The following CYBRD1 variants were observed in gnomAD, a reference collection of about 807,000 sequenced individuals.
The protein encoded by CYBRD1 is cytochrome b reductase 1.
CYBRD1 carries 14 observed loss-of-function variants against 21.9 expected under a neutral mutation model. The ratio of observed to expected loss-of-function variants is 0.64; its 90% CI spans 0.42 to 1.00. CYBRD1 has a LOEUF of 1.00. CYBRD1 is among the 50% of genes least tolerant of loss of function. The probability of loss-of-function intolerance (pLI) is 0.00; values close to 1 mark genes in which losing one functional copy is unlikely to be tolerated. For missense variants in CYBRD1, 328 were observed against 352.5 expected (o/e 0.93, Z 0.56); for synonymous variants, 146 against 136.5 (o/e 1.07, Z -0.48).
rs764578336 is a variant in CYBRD1, at chr2:171,553,386, C to T, written c.443C>T (p.Pro148Leu). The T allele has an allele frequency of 1.5e-5, 25 of 1,613,502 alleles. No individual in the cohort carries two copies. The highest frequency in any genetic ancestry group is 5.5e-5 in the South Asian group (5 of 91,062). The change falls in exon 3 of 4, where the codon CCG (proline) becomes CTG (leucine). Residue 148 changes from proline (P) to leucine (L), a missense_variant. By Grantham distance (98) the Pro-to-Leu change is moderately conservative. Transcript: ENST00000321348. ...TCAGTCTTTCTGCTTCCATGGGCTC[C>T]GCTTTCTCTCCGAGCATTTCTCATG... ...GFSVFLLPWA[P>L]LSLRAFLMPI...
At position 171,522,899 on chromosome 2, in the gene CYBRD1, G is replaced by A. The variant is rs1014970369; in HGVS notation, c.193+161G>A. ...GCGGGAAGCCAAGTCGGCTGGGCGG[G>A]AGGGAGGCTGGCTGGCTCTGGGGCG... On this transcript the variant is annotated intron_variant, in intron 1 of 3. Transcript: ENST00000321348. This position sits in a 1 kb window ranked among gnomAD's most constrained non-coding sequence, Gnocchi z 4.3. 2.0e-5 allele frequency among the ~76,000 whole-genome samples: 3 copies of A among 152,104 alleles called. No individual in the cohort carries two copies. The highest frequency in any genetic ancestry group is 4.4e-5 in the Non-Finnish European group (3 of 68,014).
chr2:171,554,482 G>A (rs1428868131), intron 3 of CYBRD1, 42 bp from the exon 4 acceptor site: 2 of 1,604,100 alleles, frequency 1.2e-6, no homozygotes, highest in Admixed American at 3.3e-5. Context: ...GCATGTTGCT[G>A]TATCATCCTG....
intron 2 of CYBRD1, chr2:171,550,974 T>G (rs1697789228): frequency 4.5e-6 from 1 of 220,184 alleles, no homozygotes; most frequent in Non-Finnish European, 8.8e-6. Flanking sequence ...TTTTTCTTTC[T>G]TAGACAGGGT....
intron 2 of CYBRD1, among the ~76,000 whole-genome samples, chr2:171,544,994 C>A (rs1697688073): frequency 6.6e-6 from 1 of 151,868 alleles, no homozygotes; most frequent in South Asian, 2.1e-4. Context: ...TAAAAATAAG[C>A]CAGCTCTGGT....
chr2:171,552,904 G>C (rs1209914441), intron 2 of CYBRD1, among the ~76,000 whole-genome samples: 1 of 152,016 alleles, frequency 6.6e-6, no homozygotes, highest in East Asian at 1.9e-4. Flanking sequence ...TTCCTACTTA[G>C]CAACCTTAGG....
At chr2:171,544,540 C>T (rs968379) in intron 2 of CYBRD1, among the ~76,000 whole-genome samples, 34,758 of 151,978 alleles carry the variant, frequency 0.23, 4,142 homozygotes, top group East Asian at 0.41. Context: ...CCAAAAAAAC[C>T]CCAACAATAT....
intron 1 of CYBRD1, among the ~76,000 whole-genome samples, chr2:171,533,466 C>T (rs765270913): frequency 1.1e-4 from 16 of 152,176 alleles, no homozygotes; most frequent in Non-Finnish European, 1.6e-4. Context: ...GACATGTTCC[C>T]GCCTTCATGA....
At chr2:171,535,826 G>A (rs961809257) in intron 1 of CYBRD1, among the ~76,000 whole-genome samples, 3 of 152,060 alleles carry the variant, frequency 2.0e-5, no homozygotes, top group Non-Finnish European at 4.4e-5. Flanking sequence ...TCTTTGTAGA[G>A]ATGAGGTTTC....
chr2:171,535,908 G>A (rs916597493), intron 1 of CYBRD1, among the ~76,000 whole-genome samples: 1 of 152,088 alleles, frequency 6.6e-6, no homozygotes, highest in African/African-American at 2.4e-5. Context: ...CCAAAGTGCT[G>A]GGATTACAAG....
At chr2:171,536,115 G>A (rs962143219) in intron 1 of CYBRD1, among the ~76,000 whole-genome samples, 1 of 144,608 alleles carries the variant, frequency 6.9e-6, no homozygotes, top group African/African-American at 2.6e-5. Flanking sequence ...TTTGAGTCAT[G>A]ATATCATGAT....
chr2:171,546,078 ATAT>A (rs1214169136), intron 2 of CYBRD1, among the ~76,000 whole-genome samples: 1 of 152,222 alleles, frequency 6.6e-6, no homozygotes, highest in Non-Finnish European at 1.5e-5. Context: ...CTTCTCAGAA[ATAT>A]TATTTCACAA....
At chr2:171,525,819 G>A (rs1334719526) in intron 1 of CYBRD1, among the ~76,000 whole-genome samples, 1 of 151,828 alleles carries the variant, frequency 6.6e-6, no homozygotes, top group Non-Finnish European at 1.5e-5. Context: ...TAGGCTCTGG[G>A]CCGGCACAGT....
chr2:171,529,725 G>T (rs1265505759), intron 1 of CYBRD1, among the ~76,000 whole-genome samples: 1 of 151,778 alleles, frequency 6.6e-6, no homozygotes, highest in East Asian at 1.9e-4. Context: ...TAACAGCTCA[G>T]GCACCAGGAG....
chr2:171,537,540 G>A lies in CYBRD1; in HGVS notation c.194-4045G>A, dbSNP rs145600792. On this transcript the variant is annotated intron_variant, in intron 1 of 3. Coordinates refer to ENST00000321348, the MANE Select transcript of CYBRD1 (RefSeq NM_024843.4). ...AAGTAACCTAGTGAAATCTGAATAA[G>A]GGATGGAGGAGGAGGGAGAGAAAAA... 7.8e-3 allele frequency among the ~76,000 whole-genome samples: 1,181 copies of A among 152,164 alleles called. 15 individuals carry two copies. Among genetic ancestry groups the A allele is most frequent in the African/African-American group, 0.027 (1,126 of 41,524 alleles).
At chr2:171,541,472 A>C (rs1467060269) in intron 1 of CYBRD1, 113 bp from the exon 2 acceptor site, 1 of 1,048,634 alleles carries the variant, frequency 9.5e-7, no homozygotes, top group Non-Finnish European at 1.4e-6. Flanking sequence ...GGAGAAGCAA[A>C]AGCCAAGGGA....
intron 2 of CYBRD1, 58 bp downstream of exon 2, chr2:171,541,851 G>GTTTTC (rs1265581877): frequency 1.9e-4 from 181 of 973,090 alleles, no homozygotes; most frequent in Middle Eastern, 6.5e-4. Context: ...GACTGTAAAT[G>GTTTTC]TTTTCTTTTC....
chr2:171,522,285 G>GGA, upstream of CYBRD1: 1 of 1,547,988 alleles, frequency 6.5e-7, no homozygotes, highest in Non-Finnish European at 8.7e-7. The surrounding 1 kb of genome is among the most constrained non-coding windows in gnomAD (Gnocchi z 4.3). Context: ...GCTGGACGAG[G>GGA]GAGAGGGTGA....
At chr2:171,538,105 C>T (rs1697571483) in intron 1 of CYBRD1, among the ~76,000 whole-genome samples, 1 of 152,076 alleles carries the variant, frequency 6.6e-6, no homozygotes, top group Admixed American at 6.6e-5. Flanking sequence ...GGCAAAACTC[C>T]GTCTCTACTA....
intron 1 of CYBRD1, among the ~76,000 whole-genome samples, chr2:171,540,122 G>A (rs893617975): frequency 1.3e-5 from 2 of 152,194 alleles, no homozygotes. Context: ...TTGAGAAACA[G>A]AATGTTAGTA....
Sources: gnomAD v4.1 joint callset for allele counts (sites outside exome capture counted in the v4.1 genomes callset) on GRCh38, gnomAD v4.1.1 for gene constraint, Gnocchi (gnomAD v3.1) non-coding constraint, MANE v1.5 for transcripts, NCBI Gene and HGNC (gene_info 2026-07-23, HGNC 2026-07-21) for gene names.